The following PTPRD variants were observed in gnomAD, a reference collection of about 807,000 sequenced individuals.
PTPRD encodes receptor-type tyrosine-protein phosphatase delta.
Under a neutral mutation model 214.5 loss-of-function variants are expected in PTPRD, and 34 were observed. The ratio of observed to expected loss-of-function variants is 0.16; its 90% confidence interval spans 0.12 to 0.21. The LOEUF (loss-of-function observed/expected upper bound fraction) is 0.21. Among genes scored for constraint, PTPRD ranks in the 10% least tolerant of loss-of-function variants. PTPRD has a pLI of 1.00. For missense variants in PTPRD, 2,545 were observed against 2,398.7 expected (o/e 1.06, Z -1.27); for synonymous variants, 1,128 against 845.7 (o/e 1.33, Z -5.79).
At chr9:8,913,021 T>C (rs902943286) in intron 11 of PTPRD, among the ~76,000 whole-genome samples, 1 of 152,162 alleles carries the variant, frequency 6.6e-6, no homozygotes, top group Non-Finnish European at 1.5e-5. Context: ...TTTAGGTTCT[T>C]AAGCTTAACG....
intron 7 of PTPRD, among the ~76,000 whole-genome samples, chr9:9,642,423 AT>A (rs1353431113): frequency 9.2e-5 from 14 of 152,198 alleles, no homozygotes; most frequent in Non-Finnish European, 1.6e-4. Context: ...AATAAAAAAA[AT>A]AAGTTAATCA....
chr9:8,543,246 T>A (rs2078959881), intron 14 of PTPRD, among the ~76,000 whole-genome samples: 1 of 152,122 alleles, frequency 6.6e-6, no homozygotes, highest in South Asian at 2.1e-4. Flanking sequence ...TGACACATTG[T>A]TATAAATTTG....
At chr9:10,064,966 T>C (rs2097848551) in intron 3 of PTPRD, among the ~76,000 whole-genome samples, 1 of 151,964 alleles carries the variant, frequency 6.6e-6, no homozygotes, top group African/African-American at 2.4e-5. Context: ...ATTTCCAGTC[T>C]ATTCAGTCAA....
At chr9:8,437,984 A>C (rs1210275605) in intron 34 of PTPRD, among the ~76,000 whole-genome samples, 3 of 152,164 alleles carry the variant, frequency 2.0e-5, no homozygotes, top group Non-Finnish European at 4.4e-5. Flanking sequence ...TATCTTACAG[A>C]TATAAATTCC....
chr9:8,593,978 C>A (rs1250162371), intron 14 of PTPRD, among the ~76,000 whole-genome samples: 1 of 152,186 alleles, frequency 6.6e-6, no homozygotes, highest in Non-Finnish European at 1.5e-5. Flanking sequence ...CATATATTCA[C>A]ATATAGTAGT....
chr9:8,943,741 TA>T (rs1444753612), intron 11 of PTPRD, among the ~76,000 whole-genome samples: 2 of 151,198 alleles, frequency 1.3e-5, no homozygotes, highest in African/African-American at 4.9e-5. Flanking sequence ...CTCTTGCCAT[TA>T]AAAAAATCAA....
At chr9:9,820,012 G>A (rs761566870) in intron 5 of PTPRD, among the ~76,000 whole-genome samples, 1 of 152,106 alleles carries the variant, frequency 6.6e-6, no homozygotes, top group Admixed American at 6.6e-5. Context: ...CAAGTAACAG[G>A]ATTGCTGGGT....
At position 8,524,845 on chromosome 9, in the gene PTPRD, A is replaced by G. The variant is rs1254820227; in HGVS notation, c.679+80T>C. The G allele has an allele frequency of 3.0e-5, 35 of 1,147,864 alleles. 1 individual carries two copies. The highest frequency in any genetic ancestry group is 4.2e-5 in the Non-Finnish European group (32 of 757,814). The allele number at this position is 1,147,864 out of a possible 1,614,324, so 71.1% of individuals were successfully genotyped here. A position where few individuals can be genotyped will look rare whatever the true frequency, so the allele number is the denominator to read the frequency against. ...CCAAACCAGCTTGTTAACTACTAATATAACAACACGGACCCTGCGGCGTCT... is the reference window on the plus strand; with the variant it reads ...CCAAACCAGCTTGTTAACTACTAATGTAACAACACGGACCCTGCGGCGTCT... On this transcript the variant is annotated intron_variant, in intron 18 of 45. Transcript: ENST00000381196.
intron 6 of PTPRD, among the ~76,000 whole-genome samples, chr9:9,735,565 A>T (rs1215372312): frequency 2.6e-5 from 4 of 152,114 alleles, no homozygotes; most frequent in Admixed American, 1.3e-4. Flanking sequence ...GGGCCAGAAT[A>T]ATCTCCATAA....
At chr9:9,549,558 C>T (rs898392918) in intron 8 of PTPRD, among the ~76,000 whole-genome samples, 2 of 152,024 alleles carry the variant, frequency 1.3e-5, no homozygotes, top group Non-Finnish European at 2.9e-5. Context: ...CTTAAACAGT[C>T]GCTATGGTCC....
At chr9:10,222,527 G>T (rs1011433726) in intron 3 of PTPRD, among the ~76,000 whole-genome samples, 3 of 152,016 alleles carry the variant, frequency 2.0e-5, no homozygotes, top group Admixed American at 2.0e-4. Flanking sequence ...TAATATGAGT[G>T]GACATTTGAA....
chr9:9,715,406 CCTCT>C (rs1301684626), intron 7 of PTPRD, among the ~76,000 whole-genome samples: 3 of 151,946 alleles, frequency 2.0e-5, no homozygotes, highest in African/African-American at 4.8e-5. Context: ...TTATAAATAA[CCTCT>C]CTATCATTTC....
intron 10 of PTPRD, among the ~76,000 whole-genome samples, chr9:9,109,958 T>C (rs1419011988): frequency 1.3e-5 from 2 of 151,818 alleles, no homozygotes; most frequent in Admixed American, 6.6e-5. Flanking sequence ...GGAAAAGCAA[T>C]ATGAGGTAGA....
intron 2 of PTPRD, among the ~76,000 whole-genome samples, chr9:10,398,393 C>CTA (rs2098212331): frequency 6.6e-6 from 1 of 150,548 alleles, no homozygotes; most frequent in Admixed American, 6.7e-5. Flanking sequence ...CTATATCTAC[C>CTA]TATATCTATA....
At chr9:10,334,497 G>C (rs1183899596) in intron 3 of PTPRD, among the ~76,000 whole-genome samples, 1 of 148,182 alleles carries the variant, frequency 6.7e-6, no homozygotes, top group Non-Finnish European at 1.5e-5. Flanking sequence ...TTCTTTCTAA[G>C]ATCAGGAATA....
chr9:9,820,967 G>C (rs1348921536), intron 5 of PTPRD, among the ~76,000 whole-genome samples: 1 of 151,848 alleles, frequency 6.6e-6, no homozygotes, highest in Non-Finnish European at 1.5e-5. Context: ...GCTATTTTTT[G>C]GTTCCATATG....
intron 3 of PTPRD, among the ~76,000 whole-genome samples, chr9:10,168,800 A>AAT (rs2099177135): frequency 6.6e-6 from 1 of 152,214 alleles, no homozygotes; most frequent in Non-Finnish European, 1.5e-5. Context: ...CTTTCTGAAA[A>AAT]ATGAAGTATA....
chr9:9,666,254 G>C (rs1477940260), intron 7 of PTPRD, among the ~76,000 whole-genome samples: 1 of 151,732 alleles, frequency 6.6e-6, no homozygotes, highest in Admixed American at 6.6e-5. Context: ...TTTATACACT[G>C]GTATCCTGTA....
At chr9:9,332,019 C>T (rs910167396) in intron 9 of PTPRD, among the ~76,000 whole-genome samples, 5 of 152,176 alleles carry the variant, frequency 3.3e-5, no homozygotes, top group Admixed American at 2.6e-4. Context: ...ATGCTAATTA[C>T]ATATTTGTTC....
Sources: allele counts gnomAD v4.1 joint callset (sites outside exome capture counted in the v4.1 genomes callset), GRCh38; gene constraint gnomAD v4.1.1; transcripts MANE v1.5; gene names NCBI Gene and HGNC (gene_info 2026-07-23, HGNC 2026-07-21).